The following TMEM232 variants were observed in gnomAD, a reference collection of about 807,000 sequenced individuals.
The protein encoded by TMEM232 is transmembrane protein 232.
A neutral mutation model predicts 78.8 loss-of-function variants in TMEM232; 80 were observed. That is an observed-to-expected ratio of 1.01 (90% CI 0.85 to 1.22). TMEM232 has a LOEUF of 1.22. Among genes scored for constraint, TMEM232 ranks in the 50% most tolerant of loss-of-function variants. The pLI is 0.00. For synonymous variants in TMEM232, 297 were observed against 254.3 expected, an observed-to-expected ratio of 1.17 and a Z score of -1.60; for missense variants, 881 against 742.2, an observed-to-expected ratio of 1.19 and a Z score of -2.17.
intron 12 of TMEM232, among the ~76,000 whole-genome samples, chr5:110,473,181 A>C (rs1762869202): frequency 6.6e-6 from 1 of 151,982 alleles, no homozygotes; most frequent in Admixed American, 6.6e-5. Flanking sequence ...AATTTTTGCA[A>C]ACTATACTTC....
intron 12 of TMEM232, among the ~76,000 whole-genome samples, chr5:110,502,682 T>A (rs1187552581): frequency 6.6e-6 from 1 of 152,112 alleles, no homozygotes; most frequent in African/African-American, 2.4e-5. Context: ...CCTTCCACTT[T>A]CCCCTCACTC....
At chr5:110,725,339 A>G (rs1161832759) in intron 1 of TMEM232, among the ~76,000 whole-genome samples, 3 of 152,230 alleles carry the variant, frequency 2.0e-5, no homozygotes. Context: ...TATTGACTAA[A>G]GAAATCTTTA....
chr5:110,735,191 A>G (rs147664214), intron 1 of TMEM232, among the ~76,000 whole-genome samples: 147 of 152,320 alleles, frequency 9.7e-4, no homozygotes, highest in African/African-American at 3.5e-3. Flanking sequence ...TTTGAGCAAA[A>G]TGTTAACATA....
intron 3 of TMEM232, among the ~76,000 whole-genome samples, chr5:110,393,345 C>T (rs1241924915): frequency 6.6e-6 from 1 of 152,114 alleles, no homozygotes; most frequent in African/African-American, 2.4e-5. Flanking sequence ...CTGTTAGGTG[C>T]ATAAACATTA....
chr5:110,391,110 C>A (rs187852249), intron 3 of TMEM232, among the ~76,000 whole-genome samples: 1 of 152,018 alleles, frequency 6.6e-6, no homozygotes, highest in Non-Finnish European at 1.5e-5. Flanking sequence ...TATTTTATTC[C>A]CTCTGTTTGG....
At chr5:110,487,128 C>T (rs1322343072) in intron 12 of TMEM232, among the ~76,000 whole-genome samples, 5 of 151,910 alleles carry the variant, frequency 3.3e-5, no homozygotes, top group Non-Finnish European at 7.4e-5. Flanking sequence ...TGTAGGTGTA[C>T]AGAAGAGCTA....
At chr5:110,576,954 C>T (rs1363777286) in intron 10 of TMEM232, among the ~76,000 whole-genome samples, 1 of 152,046 alleles carries the variant, frequency 6.6e-6, no homozygotes, top group Non-Finnish European at 1.5e-5. Flanking sequence ...CTAGGCAATA[C>T]TATCCAGGAC....
intron 7 of TMEM232, among the ~76,000 whole-genome samples, chr5:110,624,920 TA>T (rs1784219314): frequency 6.6e-6 from 1 of 152,120 alleles, no homozygotes; most frequent in African/African-American, 2.4e-5. Context: ...TTTCTATTTA[TA>T]AACTGTAAAA....
At chr5:110,735,666 A>G (rs1799084201) in intron 1 of TMEM232, among the ~76,000 whole-genome samples, 1 of 152,206 alleles carries the variant, frequency 6.6e-6, no homozygotes, top group Non-Finnish European at 1.5e-5. Flanking sequence ...AAAAAAATAG[A>G]ACATGGCAGA....
In TMEM232 at chr5:110,654,438, T is replaced by C. The variant is rs546755039; in HGVS notation, c.126-12067A>G. ...TCCCCATTGCTTGTTTTTCTCAGGT[T>C]TGTCAAAGATCAGATAGTTGTAGAT... On this transcript the variant is annotated intron_variant, in intron 2 of 13. Transcript: ENST00000455884. 1.8e-4 allele frequency among the ~76,000 whole-genome samples: 27 copies of C among 152,334 alleles called. No homozygotes were observed. In the South Asian group the frequency reaches 5.6e-3, roughly 32 times the overall value.
downstream of TMEM232, among the ~76,000 whole-genome samples, chr5:110,419,049 T>C (rs1756404707): frequency 6.6e-6 from 1 of 151,986 alleles, no homozygotes; most frequent in African/African-American, 2.4e-5. Context: ...ATTGAAACCT[T>C]GATGGGTTTA....
At chr5:110,434,139 C>A (rs531536324) in intron 12 of TMEM232, among the ~76,000 whole-genome samples, 1 of 149,622 alleles carries the variant, frequency 6.7e-6, no homozygotes, top group Non-Finnish European at 1.5e-5. Context: ...GAAATTGAGA[C>A]CCCCCCAAAA....
At position 110,627,881 on chromosome 5, in the gene TMEM232, C is replaced by T; in HGVS notation, c.502-1G>A. 1 of 1,511,552 alleles carries T rather than the reference C, an allele frequency of 6.6e-7. No individual in the cohort carries two copies. Among genetic ancestry groups the T allele is most frequent in the South Asian group, 1.3e-5 (1 of 77,280 alleles). 93.6% of individuals were successfully genotyped at this position (1,511,552 alleles called of 1,614,324 possible). On this transcript the variant is annotated splice_acceptor_variant, in intron 5 of 13. Coordinates refer to ENST00000455884, the MANE Select transcript of TMEM232 (RefSeq NM_001039763.4). LOFTEE classifies it high-confidence loss of function. ...GTCGTAAGAAGACCAAATAGCCAAT[C>T]TGTCAAAAGAGAAAAGAAAAATACA...
chr5:110,512,421 T>G (rs367954535), intron 12 of TMEM232, among the ~76,000 whole-genome samples: 2 of 152,184 alleles, frequency 1.3e-5, no homozygotes, highest in East Asian at 3.9e-4. Context: ...GCATGGTTTA[T>G]TTTTCTTTAT....
intron 2 of TMEM232, among the ~76,000 whole-genome samples, chr5:110,408,111 G>GT (rs573286255): frequency 1.6e-3 from 241 of 152,066 alleles, no homozygotes; most frequent in African/African-American, 5.6e-3. Flanking sequence ...ACAAAAAGTT[G>GT]TATCTATGGG....
intron 12 of TMEM232, among the ~76,000 whole-genome samples, chr5:110,498,593 T>C (rs923026510): frequency 7.2e-5 from 11 of 152,118 alleles, no homozygotes; most frequent in Admixed American, 6.6e-4. Context: ...GGGATTGAAT[T>C]CTTGAAAGAA....
chr5:110,579,585 G>A (rs1316179317), intron 10 of TMEM232, among the ~76,000 whole-genome samples: 2 of 151,668 alleles, frequency 1.3e-5, no homozygotes, highest in Non-Finnish European at 3.0e-5. Flanking sequence ...GTAGAGTTTT[G>A]TATAAGATTG....
chr5:110,713,673 T>C (rs1796726384), intron 1 of TMEM232, among the ~76,000 whole-genome samples: 1 of 152,130 alleles, frequency 6.6e-6, no homozygotes, highest in Admixed American at 6.5e-5. Flanking sequence ...AAACTTGGCC[T>C]ATAAACTAAA....
intron 1 of TMEM232, among the ~76,000 whole-genome samples, chr5:110,714,882 A>G (rs974871093): frequency 5.3e-5 from 8 of 152,200 alleles, no homozygotes; most frequent in African/African-American, 1.9e-4. Context: ...TCACATCTGA[A>G]GATCCTAAAT....
Sources: allele counts gnomAD v4.1 joint callset (sites outside exome capture counted in the v4.1 genomes callset), GRCh38; gene constraint gnomAD v4.1.1; transcripts MANE v1.5; gene names NCBI Gene and HGNC (gene_info 2026-07-23, HGNC 2026-07-21).